Variants in SLC2A2 observed in about 807,000 individuals in gnomAD.
The protein encoded by SLC2A2 is solute carrier family 2 member 2.
Under a neutral mutation model 54.5 loss-of-function variants are expected in SLC2A2, and 36 were observed. The ratio of observed to expected loss-of-function variants is 0.66; its 90% CI spans 0.51 to 0.87. The LOEUF (loss-of-function observed/expected upper bound fraction) is 0.87, where lower values mean the gene tolerates loss of function less well. SLC2A2 is among the 40% of genes least tolerant of loss of function. The pLI, the probability that SLC2A2 is intolerant of heterozygous loss-of-function variation, is 0.00. For synonymous variants in SLC2A2, 223 were observed against 219.1 expected, an observed-to-expected ratio of 1.02 and a Z score of -0.16; for missense variants, 543 against 624.3, an observed-to-expected ratio of 0.87 and a Z score of 1.39.
intron 1 of SLC2A2, among the ~76,000 whole-genome samples, chr3:171,022,542 G>A (rs1326466357): frequency 6.6e-6 from 1 of 152,156 alleles, no homozygotes; most frequent in Admixed American, 6.5e-5. Flanking sequence ...AGCTGAAGAG[G>A]AACCTCAGGG....
At chr3:171,014,002 A>T (rs1340360262) in intron 3 of SLC2A2, among the ~76,000 whole-genome samples, 3 of 150,424 alleles carry the variant, frequency 2.0e-5, no homozygotes, top group Non-Finnish European at 4.5e-5. Flanking sequence ...GGCAATTGGG[A>T]GTTGGGGATG....
At position 171,021,678 on chromosome 3, in the gene SLC2A2, T is replaced by G. The variant is rs116957230; in HGVS notation, c.16-3055A>C. ...TAAGTATCACTGGACTAAAATCAGG[T>G]TGTTGGTAGGCTGTGTTCCTTTCTG... On this transcript the variant is annotated intron_variant, in intron 1 of 10. Coordinates refer to ENST00000314251, the MANE Select transcript of SLC2A2 (RefSeq NM_000340.2). Among the ~76,000 whole-genome samples, 758 of 152,078 alleles carry G rather than the reference T, an allele frequency of 5.0e-3. 9 individuals carry two copies. Among genetic ancestry groups the G allele is most frequent in the South Asian group, 0.031 (148 of 4,812 alleles).
At chr3:171,009,908 G>C in intron 4 of SLC2A2, 50 bp downstream of exon 4, 13 of 1,473,074 alleles carry the variant, frequency 8.8e-6, no homozygotes, top group Non-Finnish European at 1.2e-5. Context: ...TTCAGACAAA[G>C]GTAGGTGTGT....
Position 171,014,411 on chromosome 3 carries a change from G to A in SLC2A2, c.371+58C>T, listed in dbSNP as rs1418151596. 4 of 1,557,640 alleles carry A rather than the reference G, an allele frequency of 2.6e-6. No homozygotes were observed. In the African/African-American group the frequency reaches 4.1e-5, roughly 16 times the overall value. ...AAAGATAATATTTTTCTAAACAAGT[G>A]TTAGGAAAATGAAAATATGAAAGTT... On this transcript the variant is annotated intron_variant, in intron 3 of 10. Coordinates refer to ENST00000314251, the MANE Select transcript of SLC2A2 (RefSeq NM_000340.2).
intron 3 of SLC2A2, among the ~76,000 whole-genome samples, chr3:171,011,012 C>T (rs1715857667): frequency 6.6e-6 from 1 of 152,056 alleles, no homozygotes; most frequent in Non-Finnish European, 1.5e-5. Context: ...ATGTAAACGT[C>T]CTTGTTATAT....
intron 1 of SLC2A2, among the ~76,000 whole-genome samples, chr3:171,021,520 C>T (rs531061637): frequency 6.6e-6 from 1 of 152,286 alleles, no homozygotes; most frequent in South Asian, 2.1e-4. Context: ...AGCATGGCAG[C>T]TCATGCCTAT....
intron 8 of SLC2A2, among the ~76,000 whole-genome samples, chr3:171,001,449 T>C (rs1267700182): frequency 6.6e-6 from 1 of 152,016 alleles, no homozygotes; most frequent in Non-Finnish European, 1.5e-5. Flanking sequence ...TTTTTCCTGC[T>C]CTTTCCAAGG....
chr3:171,018,435 C>T (rs915632307), intron 2 of SLC2A2, 96 bp downstream of exon 2: 10 of 897,634 alleles, frequency 1.1e-5, no homozygotes, highest in Middle Eastern at 2.2e-4. Context: ...CTTGTGTCTC[C>T]CACGTGGACA....
At chr3:171,010,797 T>C (rs751364454) in intron 3 of SLC2A2, among the ~76,000 whole-genome samples, 1 of 152,118 alleles carries the variant, frequency 6.6e-6, no homozygotes, top group Non-Finnish European at 1.5e-5. Flanking sequence ...CAATGTAAAA[T>C]ACATAATAGA....
chr3:171,019,124 CGT>C (rs1716325387), intron 1 of SLC2A2, among the ~76,000 whole-genome samples: 2 of 5,612 alleles, frequency 3.6e-4, no homozygotes, highest in Non-Finnish European at 7.3e-4. Flanking sequence ...TATATATATA[CGT>C]ATGTATATAT....
In SLC2A2 at chr3:171,026,713, T is replaced by G. The variant is rs969078662; in HGVS notation, c.-43A>C. The G allele has an allele frequency of 6.3e-7, 1 of 1,587,888 alleles. No individual in the cohort carries two copies. ...CTGTCAATTCCAGGTCTTGTGTGAG[T>G]GTGGCACATGCACCTGACTAGCTCC... On this transcript the variant is annotated 5_prime_UTR_variant, in exon 1 of 11. Transcript: ENST00000314251.
rs140285191 is a variant in SLC2A2, at chr3:171,005,434, C to A, written c.814G>T (p.Asp272Tyr). The A allele has an allele frequency of 2.5e-6, 4 of 1,612,602 alleles. No individual in the cohort carries two copies. Among genetic ancestry groups the A allele is most frequent in the Non-Finnish European group, 3.4e-6 (4 of 1,179,164 alleles). ...CTTTCTTTTCTCATTTCATTAATAT[C>A]TTTGGTGACATCATCATATCCTCTG... ...RLRGYDDVTK[D>Y]INEMRKEREE... is the part of the protein sequence containing the mutation. The change falls in exon 7 of 11, where the codon GAT becomes TAT. Residue 272 changes from aspartate (D) to tyrosine (Y), a missense_variant. By Grantham distance (160) the Asp-to-Tyr change is radical. This residue lies in a region of SLC2A2 where 318 missense variants were observed against 343.8 expected (regional missense o/e 0.93). Coordinates refer to ENST00000314251, the MANE Select transcript of SLC2A2 (RefSeq NM_000340.2).
At chr3:171,008,837 T>C (rs888108486) in intron 4 of SLC2A2, among the ~76,000 whole-genome samples, 6 of 152,074 alleles carry the variant, frequency 3.9e-5, no homozygotes, top group Non-Finnish European at 4.4e-5. Flanking sequence ...GGGTTGACTC[T>C]TTACCTTGAT....
At chr3:171,024,224 C>T (rs1020507855) in intron 1 of SLC2A2, among the ~76,000 whole-genome samples, 9 of 152,180 alleles carry the variant, frequency 5.9e-5, no homozygotes, top group Non-Finnish European at 1.2e-4. Flanking sequence ...GGCTACAGAA[C>T]AAATGCATCT....
rs1716038093 is a variant in SLC2A2, at chr3:171,014,548, A to G, written c.292T>C (p.Ser98Pro). The G allele has an allele frequency of 6.2e-7, 1 of 1,614,170 alleles. No individual in the cohort carries two copies. Among genetic ancestry groups the G allele is most frequent in the South Asian group, 1.1e-5 (1 of 91,082 alleles). Residue 98 changes from serine to proline, a missense_variant, in exon 3 of 11, where the codon TCC becomes CCC. This residue lies in a region of SLC2A2 where 318 missense variants were observed against 343.8 expected (regional missense o/e 0.93). Coordinates refer to ENST00000314251, the MANE Select transcript of SLC2A2 (RefSeq NM_000340.2). ...AAAQLITMLW[S>P]LSVSSFAVGG... ...ACTGCAAAGCTGGATACAGACAGGG[A>G]CCAGAGCATGGTGATTAGTTGAGCA... is the stretch of plus-strand genomic sequence containing the variant.
At chr3:171,012,411 G>A (rs767025402) in intron 3 of SLC2A2, among the ~76,000 whole-genome samples, 41 of 152,142 alleles carry the variant, frequency 2.7e-4, no homozygotes, top group Non-Finnish European at 5.0e-4. Context: ...AAGAATGCAT[G>A]CCTTCAAAGG....
In SLC2A2 at chr3:171,006,059, A is replaced by G; in HGVS notation, c.659T>C (p.Ile220Thr). The G allele has an allele frequency of 6.2e-7, 1 of 1,612,704 alleles. No individual in the cohort carries two copies. The highest frequency in any genetic ancestry group is 8.5e-7 in the Non-Finnish European group (1 of 1,179,108). The change falls in exon 6 of 11, where the codon ATC (isoleucine) becomes ACC (threonine). Residue 220 changes from isoleucine to threonine, a missense_variant. Transcript: ENST00000314251. ...FILGNYDLWH[I>T]LLGLSGVRAI... ...TCGCACACCAGACAGGCCAAGCAGGATGTGCCACAGATCATAATTGCCCAA... is the reference window on the plus strand; with the variant it reads ...TCGCACACCAGACAGGCCAAGCAGGGTGTGCCACAGATCATAATTGCCCAA...
At chr3:171,023,021 A>G (rs1716533059) in intron 1 of SLC2A2, among the ~76,000 whole-genome samples, 3 of 152,232 alleles carry the variant, frequency 2.0e-5, no homozygotes, top group African/African-American at 7.2e-5. Context: ...TTCTCATTTT[A>G]TTAGAATAAC....
chr3:171,025,992 T>A (rs745797194), intron 1 of SLC2A2, among the ~76,000 whole-genome samples: 5 of 152,152 alleles, frequency 3.3e-5, no homozygotes, highest in Non-Finnish European at 7.3e-5. Context: ...GTGTGTGTTG[T>A]TTTGGCTGAA....
Sources: allele counts gnomAD v4.1 joint callset (sites outside exome capture counted in the v4.1 genomes callset), GRCh38; gene constraint gnomAD v4.1.1; regional missense constraint gnomAD v4.1.1; transcripts MANE v1.5; gene names NCBI Gene and HGNC (gene_info 2026-07-23, HGNC 2026-07-21).